The following TYW1B variants were observed in gnomAD, a reference collection of about 807,000 sequenced individuals.
TYW1B encodes the protein S-adenosyl-L-methionine-dependent tRNA 4-demethylwyosine synthase TYW1B.
A neutral mutation model predicts 86.9 loss-of-function variants in TYW1B; 73 were observed. That is an observed-to-expected ratio of 0.84 (90% CI 0.70 to 1.02). The LOEUF (loss-of-function observed/expected upper bound fraction) is 1.02, where lower values mean the gene tolerates loss of function less well. Among genes scored for constraint, TYW1B ranks in the 50% least tolerant of loss-of-function variants. The pLI, the probability that TYW1B is intolerant of heterozygous loss-of-function variation, is 0.00. For synonymous variants in TYW1B, 248 were observed against 292.8 expected, an observed-to-expected ratio of 0.85 and a Z score of 1.56; for missense variants, 637 against 827.4, an observed-to-expected ratio of 0.77 and a Z score of 2.82.
intron 13 of TYW1B, among the ~76,000 whole-genome samples, chr7:72,600,954 G>C (rs1261934212): frequency 1.3e-5 from 2 of 151,992 alleles, no homozygotes; most frequent in African/African-American, 2.4e-5. Context: ...TCAGGAGTTC[G>C]AGACCAGCCT....
At chr7:72,582,496 C>T (rs530353311) in intron 13 of TYW1B, among the ~76,000 whole-genome samples, 59 of 152,268 alleles carry the variant, frequency 3.9e-4, no homozygotes, top group African/African-American at 1.4e-3. Context: ...AATGAAAACA[C>T]GTTTGGACAT....
At chr7:72,681,866 T>C (rs1356128211) in intron 11 of TYW1B, among the ~76,000 whole-genome samples, 51 of 151,566 alleles carry the variant, frequency 3.4e-4, no homozygotes, top group Non-Finnish European at 8.8e-5. Context: ...ATTCCAGAAG[T>C]GAGCCACCGC....
At chr7:72,762,309 C>T (rs1787698500) in intron 7 of TYW1B, among the ~76,000 whole-genome samples, 1 of 152,086 alleles carries the variant, frequency 6.6e-6, no homozygotes, top group African/African-American at 2.4e-5. Context: ...GAAGTTCAAC[C>T]TTTGCTGTAC....
At chr7:72,702,986 C>CTATATA (rs371144509) in intron 10 of TYW1B, among the ~76,000 whole-genome samples, 47 of 36,254 alleles carry the variant, frequency 1.3e-3, no homozygotes, top group South Asian at 7.4e-3. Context: ...ATCTATCTAT[C>CTATATA]TATATATATA....
intron 7 of TYW1B, among the ~76,000 whole-genome samples, chr7:72,770,146 G>A (rs1373415635): frequency 1.3e-5 from 2 of 150,414 alleles, no homozygotes; most frequent in South Asian, 2.1e-4. Flanking sequence ...AAACCACAAT[G>A]AGGGCCAGGC....
At chr7:72,694,849 GA>G in intron 10 of TYW1B, 27 bp from the exon 11 acceptor site, 1 of 1,579,630 alleles carries the variant, frequency 6.3e-7, no homozygotes, top group Non-Finnish European at 8.5e-7. Flanking sequence ...TTTAAAGGAA[GA>G]AAGAAAAATT....
At chr7:72,779,471 C>CT (rs1453799559) in intron 6 of TYW1B, among the ~76,000 whole-genome samples, 1 of 152,272 alleles carries the variant, frequency 6.6e-6, no homozygotes, top group Non-Finnish European at 1.5e-5. Flanking sequence ...AATCCGAGCA[C>CT]TATGGGAGGC....
At chr7:72,581,452 T>C (rs1311493781) in intron 13 of TYW1B, among the ~76,000 whole-genome samples, 1 of 152,166 alleles carries the variant, frequency 6.6e-6, no homozygotes. Flanking sequence ...TATTTTTTAT[T>C]ATCATTTTTA....
intron 11 of TYW1B, among the ~76,000 whole-genome samples, chr7:72,629,823 T>C (rs1441558878): frequency 6.6e-6 from 1 of 152,112 alleles, no homozygotes; most frequent in Non-Finnish European, 1.5e-5. Flanking sequence ...GCTGGGATTA[T>C]AGGCGCACAC....
At chr7:72,818,578 CAAAAAAAAAAAAA>C (rs57325230) in intron 2 of TYW1B, among the ~76,000 whole-genome samples, 13 of 38,432 alleles carry the variant, frequency 3.4e-4, no homozygotes, top group East Asian at 1.4e-3. Flanking sequence ...GACTCCATCT[CAAAAAAAAAAAAA>C]AAAAAAAAAA....
intron 13 of TYW1B, among the ~76,000 whole-genome samples, chr7:72,589,140 T>C (rs1811339752): frequency 6.6e-6 from 1 of 152,152 alleles, no homozygotes. Context: ...AGCCTCAGTT[T>C]CCTCCTTTGG....
intron 11 of TYW1B, 98 bp from the exon 12 acceptor site, chr7:72,629,095 G>A (rs1288568802): frequency 1.1e-5 from 13 of 1,200,670 alleles, no homozygotes; most frequent in Non-Finnish European, 1.5e-5. Flanking sequence ...AGAACCCAGG[G>A]CAGGCAAAAC....
chr7:72,825,924 A>G (rs1361481710), intron 2 of TYW1B, among the ~76,000 whole-genome samples: 1 of 152,214 alleles, frequency 6.6e-6, no homozygotes, highest in African/African-American at 2.4e-5. Context: ...CCCGCCTACC[A>G]TCGCAGAAAG....
intron 6 of TYW1B, among the ~76,000 whole-genome samples, chr7:72,786,031 C>T (rs1488572827): frequency 6.6e-6 from 1 of 151,904 alleles, no homozygotes; most frequent in Non-Finnish European, 1.5e-5. Context: ...ATTGCATGAA[C>T]CCGGGAGGCG....
intron 13 of TYW1B, among the ~76,000 whole-genome samples, chr7:72,590,443 G>A (rs1811370820): frequency 1.3e-5 from 2 of 152,130 alleles, no homozygotes; most frequent in Non-Finnish European, 2.9e-5. Context: ...GACTCCCTGG[G>A]GACTTCAAGG....
At chr7:72,660,879 G>C (rs1303767196) in intron 11 of TYW1B, among the ~76,000 whole-genome samples, 1 of 151,984 alleles carries the variant, frequency 6.6e-6, no homozygotes, top group Non-Finnish European at 1.5e-5. Context: ...GCTCATGCCT[G>C]TAATCCCAAC....
In TYW1B at chr7:72,807,244, T is replaced by C. The variant is rs371606288; in HGVS notation, c.545A>G (p.Asn182Ser). 3 of 1,614,214 alleles carry C rather than the reference T, an allele frequency of 1.9e-6. No individual in the cohort carries two copies. The highest frequency in any genetic ancestry group is 2.5e-6 in the Non-Finnish European group (3 of 1,180,052). ...GAACTTGGTCTTCCATGCTCTGAAG[T>C]TGGCCTCAATGCTGCCGTGCTTGCT... is the stretch of plus-strand genomic sequence containing the variant. ...VKSKHGSIEA[N>S]FRAWKTKFIS... Residue 182 changes from asparagine to serine, a missense_variant, in exon 5 of 14, where the codon AAC becomes AGC. Transcript: ENST00000620995.
intron 9 of TYW1B, among the ~76,000 whole-genome samples, chr7:72,725,712 T>A (rs781791383): frequency 3.9e-5 from 6 of 152,178 alleles, no homozygotes; most frequent in Non-Finnish European, 7.3e-5. Flanking sequence ...AAGAAGGAAT[T>A]CTGCCAGGAG....
At position 72,770,440 on chromosome 7, in the gene TYW1B, A is replaced by G. The variant is rs1554469311; in HGVS notation, c.964+6976T>C. ...GAGACTCCGTCTCAAAAAAAAAAAA[A>G]AAAAAAGAAAAAAGAAAAAACACAA... On this transcript the variant is annotated intron_variant, in intron 7 of 13. Coordinates refer to ENST00000620995, the MANE Select transcript of TYW1B (RefSeq NM_001145440.3). Among the ~76,000 whole-genome samples the G allele has an allele frequency of 7.7e-3, 1,165 of 150,802 alleles. 11 individuals carry two copies. Among genetic ancestry groups the G allele is most frequent in the Non-Finnish European group, 0.013 (863 of 67,736 alleles).
Sources: gnomAD v4.1 joint callset for allele counts (sites outside exome capture counted in the v4.1 genomes callset) on GRCh38, gnomAD v4.1.1 for gene constraint, MANE v1.5 for transcripts, NCBI Gene and HGNC (gene_info 2026-07-23, HGNC 2026-07-21) for gene names.